Variants in SLC12A8 observed in about 807,000 individuals in gnomAD.
The protein encoded by SLC12A8 is cation-chloride cotransporter 9.
In SLC12A8, 69 loss-of-function variants were observed where a neutral mutation model predicts 75.6. The ratio of observed to expected loss-of-function variants is 0.91; its 90% confidence interval spans 0.75 to 1.11. The LOEUF is 1.11. SLC12A8 is among the 50% of genes most tolerant of loss of function. The pLI is 0.00. For missense variants in SLC12A8, 877 were observed against 896.7 expected (o/e 0.98, Z 0.28); for synonymous variants, 365 against 372.8 (o/e 0.98, Z 0.24).
intron 5 of SLC12A8, among the ~76,000 whole-genome samples, chr3:125,175,293 T>C (rs1046443230): frequency 2.6e-5 from 4 of 152,226 alleles, no homozygotes; most frequent in African/African-American, 7.2e-5. Context: ...GAAATCACTC[T>C]GTTAAATTCA....
intron 2 of SLC12A8, among the ~76,000 whole-genome samples, chr3:125,208,747 TACACACACACACAC>T (rs61130966): frequency 1.3e-4 from 11 of 87,434 alleles, no homozygotes; most frequent in Non-Finnish European, 1.7e-4. Context: ...CTGACCAATC[TACACACACACACAC>T]ACACACACAC....
chr3:125,091,678 C>T (rs1340113738), intron 11 of SLC12A8, 122 bp from the exon 12 acceptor site: 5 of 676,760 alleles, frequency 7.4e-6, no homozygotes, highest in Non-Finnish European at 1.3e-5. Context: ...CTGTAAAAGT[C>T]TGAATAATTG....
intron 5 of SLC12A8, among the ~76,000 whole-genome samples, chr3:125,166,317 C>T (rs571838611): frequency 1.2e-5 from 1 of 83,032 alleles, no homozygotes; most frequent in Non-Finnish European, 3.1e-5. Context: ...CCATACCCCA[C>T]CCCCATCTCG....
chr3:125,113,929 C>T (rs956249481), intron 8 of SLC12A8, among the ~76,000 whole-genome samples: 5 of 152,166 alleles, frequency 3.3e-5, no homozygotes, highest in Admixed American at 6.5e-5. Context: ...GATTTAAAGT[C>T]ATTTGCAAGG....
chr3:125,189,771 C>T (rs1037869085), intron 3 of SLC12A8, among the ~76,000 whole-genome samples: 1 of 152,160 alleles, frequency 6.6e-6, no homozygotes, highest in African/African-American at 2.4e-5. Context: ...GACTGAGAAC[C>T]CCTGCCCCAG....
intron 5 of SLC12A8, among the ~76,000 whole-genome samples, chr3:125,175,618 G>A (rs577546411): frequency 3.7e-4 from 56 of 152,296 alleles, no homozygotes; most frequent in Middle Eastern, 3.4e-3. Flanking sequence ...TCCAGCAACC[G>A]TGTCACTGGA....
At chr3:125,117,176 A>G (rs1939334023) in intron 8 of SLC12A8, among the ~76,000 whole-genome samples, 1 of 152,182 alleles carries the variant, frequency 6.6e-6, no homozygotes, top group South Asian at 2.1e-4. Flanking sequence ...TGTGAAAACC[A>G]AGCTCAAACA....
chr3:125,176,673 C>T (rs1934535675), intron 5 of SLC12A8, among the ~76,000 whole-genome samples: 1 of 151,908 alleles, frequency 6.6e-6, no homozygotes, highest in South Asian at 2.1e-4. Flanking sequence ...AGGATATGAA[C>T]AGACACTTCT....
chr3:125,099,814 GCT>G (rs1329609708), intron 10 of SLC12A8, among the ~76,000 whole-genome samples: 1 of 152,106 alleles, frequency 6.6e-6, no homozygotes, highest in Admixed American at 6.5e-5. Context: ...TGTAATCCCA[GCT>G]ACTCAGGAGG....
At chr3:125,097,962 A>G (rs1334841740) in intron 10 of SLC12A8, among the ~76,000 whole-genome samples, 1 of 152,236 alleles carries the variant, frequency 6.6e-6, no homozygotes, top group African/African-American at 2.4e-5. Flanking sequence ...GCTACACATA[A>G]CAAATATAAG....
At chr3:125,099,998 A>C (rs1308511785) in intron 10 of SLC12A8, among the ~76,000 whole-genome samples, 2 of 152,242 alleles carry the variant, frequency 1.3e-5, no homozygotes, top group African/African-American at 4.8e-5. Flanking sequence ...TAGAAAGCAC[A>C]GTAACAGAAA....
At chr3:125,194,758 C>T (rs550160281) in intron 2 of SLC12A8, among the ~76,000 whole-genome samples, 1 of 152,330 alleles carries the variant, frequency 6.6e-6, no homozygotes, top group South Asian at 2.1e-4. Context: ...CCCCTTTCTC[C>T]CAAAGTGCAC....
chr3:125,147,011 C>T (rs141601137), intron 5 of SLC12A8, among the ~76,000 whole-genome samples: 10 of 152,230 alleles, frequency 6.6e-5, no homozygotes, highest in South Asian at 2.1e-4. Context: ...GGGAGTTTGC[C>T]GACGTCTGGA....
chr3:125,187,958 T>C (rs1934827574), intron 3 of SLC12A8, among the ~76,000 whole-genome samples: 1 of 152,164 alleles, frequency 6.6e-6, no homozygotes, highest in Admixed American at 6.5e-5. Flanking sequence ...ATTGAGTCTG[T>C]TTCCAAGCCA....
chr3:125,157,792 C>T (rs967618865), intron 5 of SLC12A8, among the ~76,000 whole-genome samples: 10 of 152,200 alleles, frequency 6.6e-5, no homozygotes, highest in Admixed American at 5.2e-4. Context: ...GGTTCTTCCA[C>T]TCTCCTCCAC....
chr3:125,115,244 G>A (rs1017623522), intron 8 of SLC12A8, among the ~76,000 whole-genome samples: 3 of 152,248 alleles, frequency 2.0e-5, no homozygotes, highest in Admixed American at 6.5e-5. Flanking sequence ...AGACGTCGCC[G>A]GGCGCAGTAG....
At chr3:125,102,031 T>C (rs549872867) in intron 10 of SLC12A8, among the ~76,000 whole-genome samples, 16 of 152,268 alleles carry the variant, frequency 1.1e-4, no homozygotes, top group African/African-American at 3.9e-4. Context: ...GATAGACAAA[T>C]AAACCTAAAG....
chr3:125,129,260 A>C (rs1446101218), intron 6 of SLC12A8, among the ~76,000 whole-genome samples: 1 of 152,162 alleles, frequency 6.6e-6, no homozygotes, highest in Non-Finnish European at 1.5e-5. Flanking sequence ...GTGTTCCTGG[A>C]TCCCTGGAGT....
chr3:125,087,611 AGC>A (rs1938492138), intron 13 of SLC12A8, among the ~76,000 whole-genome samples: 1 of 152,206 alleles, frequency 6.6e-6, no homozygotes, highest in African/African-American at 2.4e-5. Flanking sequence ...CCTAGCCTGC[AGC>A]TCTAGCTCCT....
Sources: allele counts gnomAD v4.1 joint callset (sites outside exome capture counted in the v4.1 genomes callset), GRCh38; gene constraint gnomAD v4.1.1; transcripts MANE v1.5; gene names NCBI Gene and HGNC (gene_info 2026-07-23, HGNC 2026-07-21).